Variants in MKLN1 observed in about 807,000 individuals in gnomAD.
The protein encoded by MKLN1 is muskelin.
Under a neutral mutation model 99.0 loss-of-function variants are expected in MKLN1, and 18 were observed. That is an observed-to-expected ratio of 0.18 (90% CI 0.13 to 0.27). The LOEUF (loss-of-function observed/expected upper bound fraction) is 0.27, where lower values mean the gene tolerates loss of function less well. Ranked by LOEUF, MKLN1 falls within the 10% of genes least tolerant of loss-of-function variation. The probability of loss-of-function intolerance (pLI) is 1.00; values close to 1 mark genes in which losing one functional copy is unlikely to be tolerated. For synonymous variants in MKLN1, 288 were observed against 293.2 expected (o/e 0.98, Z 0.18); for missense variants, 621 against 875.9 (o/e 0.71, Z 3.67).
At chr7:131,127,179 A>AAG (rs1554526041) in intron 1 of MKLN1, among the ~76,000 whole-genome samples, 59,810 of 140,562 alleles carry the variant, frequency 0.43, 13,962 homozygotes, top group Non-Finnish European at 0.54. Flanking sequence ...AAAAAAAAAA[A>AAG]AAAGAAAGAA....
At chr7:131,322,517 G>A (rs1236646206) in intron 3 of MKLN1, among the ~76,000 whole-genome samples, 1 of 151,560 alleles carries the variant, frequency 6.6e-6, no homozygotes, top group African/African-American at 2.4e-5. Context: ...TCTTCACAAG[G>A]CAGTAGGAGA....
intron 3 of MKLN1, among the ~76,000 whole-genome samples, chr7:131,204,060 G>C (rs1796769537): frequency 6.6e-6 from 1 of 152,120 alleles, no homozygotes. Context: ...TCCTCATCCT[G>C]TATATAAAGT....
At chr7:131,478,277 G>A (rs1213923389) in intron 16 of MKLN1, among the ~76,000 whole-genome samples, 1 of 152,184 alleles carries the variant, frequency 6.6e-6, no homozygotes. Context: ...GGGACCCAGG[G>A]CACCAATCTG....
chr7:131,432,119 C>A (rs1795541935), intron 9 of MKLN1, among the ~76,000 whole-genome samples: 2 of 152,106 alleles, frequency 1.3e-5, no homozygotes, highest in Non-Finnish European at 1.5e-5. Context: ...TCCTTAAAGG[C>A]GTGAATCATA....
intron 16 of MKLN1, among the ~76,000 whole-genome samples, chr7:131,477,853 C>T (rs779418487): frequency 3.3e-5 from 5 of 152,232 alleles, no homozygotes; most frequent in Admixed American, 6.5e-5. Context: ...TTTGTCTGCT[C>T]TAATTCATTC....
chr7:131,210,991 G>A (rs1178679035), intron 3 of MKLN1, among the ~76,000 whole-genome samples: 1 of 151,544 alleles, frequency 6.6e-6, no homozygotes, highest in African/African-American at 2.4e-5. Context: ...ACCATGGTGG[G>A]GCAACACTGT....
intron 15 of MKLN1, among the ~76,000 whole-genome samples, chr7:131,468,125 C>T (rs780016971): frequency 1.3e-5 from 2 of 152,110 alleles, no homozygotes; most frequent in African/African-American, 2.4e-5. Context: ...CTTAACATTC[C>T]GGATAAACTT....
At chr7:131,142,696 C>G (rs993320993) in intron 1 of MKLN1, 4 of 306,660 alleles carry the variant, frequency 1.3e-5, no homozygotes, top group African/African-American at 9.0e-5. Context: ...GATCGCCCCA[C>G]TGCACTCCAG....
intron 2 of MKLN1, among the ~76,000 whole-genome samples, chr7:131,376,342 TAAAA>T (rs35692782): frequency 7.6e-6 from 1 of 131,516 alleles, no homozygotes; most frequent in African/African-American, 2.8e-5. Flanking sequence ...TGATCTATGT[TAAAA>T]AAAAAAAAAA....
intron 17 of MKLN1, among the ~76,000 whole-genome samples, chr7:131,484,736 AGGT>A (rs1475783282): frequency 6.6e-6 from 1 of 152,202 alleles, no homozygotes; most frequent in Non-Finnish European, 1.5e-5. Context: ...ACTTTCAGTG[AGGT>A]ATAGTCTACA....
intron 2 of MKLN1, among the ~76,000 whole-genome samples, chr7:131,147,662 T>C (rs1036908034): frequency 1.3e-5 from 2 of 152,208 alleles, no homozygotes; most frequent in Non-Finnish European, 2.9e-5. Flanking sequence ...GAGACTTGCC[T>C]ACAGTCACAT....
chr7:131,194,773 T>A (rs1216692452), intron 2 of MKLN1, among the ~76,000 whole-genome samples: 1 of 152,210 alleles, frequency 6.6e-6, no homozygotes, highest in Admixed American at 6.5e-5. Flanking sequence ...GTGCAGTAAG[T>A]CCAGGCAAAC....
At chr7:131,369,363 AT>A (rs1800276929) in intron 1 of MKLN1, among the ~76,000 whole-genome samples, 1 of 152,170 alleles carries the variant, frequency 6.6e-6, no homozygotes, top group South Asian at 2.1e-4. Flanking sequence ...TTTCTCCCTA[AT>A]TTTCTGATAA....
chr7:131,485,310 A>G (rs559759661), intron 17 of MKLN1, among the ~76,000 whole-genome samples: 1 of 152,212 alleles, frequency 6.6e-6, no homozygotes, highest in Admixed American at 6.5e-5. Flanking sequence ...GATGCGAACA[A>G]ATAAGTAAAA....
At chr7:131,173,824 C>G in intron 2 of MKLN1, among the ~76,000 whole-genome samples, 1 of 152,062 alleles carries the variant, frequency 6.6e-6, no homozygotes, top group East Asian at 1.9e-4. Context: ...CCTGTAGGAG[C>G]TGAATTAAAA....
chr7:131,443,707 G>A lies in MKLN1; in HGVS notation c.1395+5G>A, dbSNP rs776710943. On this transcript the variant is annotated splice_donor_5th_base_variant and intron_variant, in intron 11 of 17. Coordinates refer to ENST00000352689, the MANE Select transcript of MKLN1 (RefSeq NM_013255.5). ...CACTGCATGTTATTCCACTCAGTAA[G>A]AACATTCCGTACATTGCGTAAATGT... 1 of 1,576,498 alleles carries A rather than the reference G, an allele frequency of 6.3e-7. No individual in the cohort carries two copies. Among genetic ancestry groups the A allele is most frequent in the African/African-American group, 1.3e-5 (1 of 74,116 alleles).
chr7:131,365,944 T>C (rs1455091666), intron 1 of MKLN1, among the ~76,000 whole-genome samples: 1 of 152,194 alleles, frequency 6.6e-6, no homozygotes, highest in African/African-American at 2.4e-5. Flanking sequence ...TTGATTGTTA[T>C]TACTGACTTT....
intron 6 of MKLN1, among the ~76,000 whole-genome samples, chr7:131,409,809 G>A (rs1166729150): frequency 6.6e-6 from 1 of 152,150 alleles, no homozygotes; most frequent in Non-Finnish European, 1.5e-5. Context: ...ATAGCAAGAA[G>A]TCCAGAGGTA....
rs35412933 is a variant in MKLN1, at chr7:131,178,279, CTTTTTTTTTTTT to C, written c.-296-24560_-296-24549del. 1.1e-3 allele frequency among the ~76,000 whole-genome samples: 80 copies of C among 72,560 alleles called. No homozygotes were observed. In the South Asian group the frequency reaches 0.012, roughly 11 times the overall value. The allele number at this position is 72,560 out of a possible 152,430, so 47.6% of individuals were successfully genotyped here. ...TTACAGGCGCCTGCCACATGCCCGG[CTTTTTTTTTTTT>C]TTTTTTTTTTTTTTTTTGTATTTTT... is the stretch of plus-strand genomic sequence containing the variant. On this transcript the variant is annotated intron_variant, in intron 2 of 7. Transcript: ENST00000416992.
Sources: gnomAD v4.1 joint callset for allele counts (sites outside exome capture counted in the v4.1 genomes callset) on GRCh38, gnomAD v4.1.1 for gene constraint, MANE v1.5 for transcripts, NCBI Gene and HGNC (gene_info 2026-07-23, HGNC 2026-07-21) for gene names.